PRKN: variants seen among roughly 807,000 people sequenced by gnomAD.
PRKN encodes E3 ubiquitin-protein ligase parkin.
PRKN carries 56 observed loss-of-function variants against 59.5 expected under a neutral mutation model. That is an observed-to-expected ratio of 0.94 (90% CI 0.76 to 1.18). The LOEUF is 1.18. Among genes scored for constraint, PRKN ranks in the 50% most tolerant of loss-of-function variants. PRKN has a pLI of 0.00. For missense variants in PRKN, 657 were observed against 596.4 expected, an observed-to-expected ratio of 1.10 and a Z score of -1.06; for synonymous variants, 250 against 222.1, an observed-to-expected ratio of 1.13 and a Z score of -1.12.
At chr6:162,365,492 G>C (rs1208781027) in intron 2 of PRKN, among the ~76,000 whole-genome samples, 6 of 151,986 alleles carry the variant, frequency 3.9e-5, no homozygotes, top group African/African-American at 1.4e-4. Flanking sequence ...TATAGCCCGT[G>C]GACTCTTACG....
At chr6:162,000,720 T>A (rs1012116883) in intron 5 of PRKN, among the ~76,000 whole-genome samples, 6 of 152,088 alleles carry the variant, frequency 3.9e-5, no homozygotes, top group Admixed American at 1.3e-4. Context: ...TAAAAAGTTA[T>A]TACTATACCT....
intron 2 of PRKN, among the ~76,000 whole-genome samples, chr6:162,407,478 A>G (rs1399655245): frequency 6.6e-6 from 1 of 152,230 alleles, no homozygotes; most frequent in East Asian, 1.9e-4. Context: ...TCATTGTAGC[A>G]GATGTGTCAA....
chr6:161,637,304 G>A (rs1202901896), intron 7 of PRKN, among the ~76,000 whole-genome samples: 2 of 152,002 alleles, frequency 1.3e-5, no homozygotes, highest in Non-Finnish European at 2.9e-5. Context: ...AGGCAAGGAG[G>A]TTACATCATG....
At position 161,680,756 on chromosome 6, in the gene PRKN, TATATA is replaced by T. The variant is rs1785306570; in HGVS notation, c.871+105011_871+105015del. Among the ~76,000 whole-genome samples, 27 of 19,982 alleles carry T rather than the reference TATATA, an allele frequency of 1.4e-3. 2 individuals carry two copies. The highest frequency in any genetic ancestry group is 3.8e-3 in the African/African-American group (27 of 7,156). 13.1% of individuals were successfully genotyped at this position (19,982 alleles called of 152,430 possible). A position where few individuals can be genotyped will look rare whatever the true frequency, so the allele number is the denominator to read the frequency against. On this transcript the variant is annotated intron_variant, in intron 7 of 11. Coordinates refer to ENST00000366898, the MANE Select transcript of PRKN (RefSeq NM_004562.3). ...ATATATATATATATATATATATATA[TATATA>T]TATATATATATATATTTTTTTTTTT... is the stretch of plus-strand genomic sequence containing the variant.
rs141916490 is a variant in PRKN, at chr6:161,802,556, C to T, written c.735-16648G>A. Among the ~76,000 whole-genome samples the T allele has an allele frequency of 1.2e-4, 19 of 152,182 alleles. 1 individual carries two copies. The East Asian group carries it at 2.9e-3, about 23-fold the overall frequency. On this transcript the variant is annotated intron_variant, in intron 6 of 11. Coordinates refer to ENST00000366898, the MANE Select transcript of PRKN (RefSeq NM_004562.3). ...CTTTCTCCGGCTCCTCCTGTGCGAG[C>T]GTGCTTCCCCAATGGTCACGTGGCT...
chr6:162,612,082 A>G (rs1244125689), intron 1 of PRKN, among the ~76,000 whole-genome samples: 1 of 150,206 alleles, frequency 6.7e-6, no homozygotes, highest in African/African-American at 2.4e-5. Context: ...AGTCCCAGCT[A>G]CTCGGGAGGC....
intron 2 of PRKN, among the ~76,000 whole-genome samples, chr6:162,282,075 C>A (rs1042500629): frequency 6.6e-6 from 1 of 152,192 alleles, no homozygotes; most frequent in Non-Finnish European, 1.5e-5. Context: ...CCCATACTCA[C>A]CCCCTGCTGT....
intron 7 of PRKN, among the ~76,000 whole-genome samples, chr6:161,690,633 T>C (rs1785743721): frequency 6.6e-6 from 1 of 152,180 alleles, no homozygotes; most frequent in Non-Finnish European, 1.5e-5. Flanking sequence ...CTCCCCAGAA[T>C]GGATGGGCAG....
rs1269248401 is a variant in PRKN at position 161,409,554 on chromosome 6, T to A, written c.1084-22677A>T. ...CCTCTCAGTTCAAAGGAAAGTGGTG[T>A]GCTTGCTGGATATTTTTAGATTGCC... On this transcript the variant is annotated intron_variant, in intron 9 of 11. Coordinates refer to ENST00000366898, the MANE Select transcript of PRKN (RefSeq NM_004562.3). This position sits in a 1 kb window ranked among gnomAD's most constrained non-coding sequence, Gnocchi z 4.6. Among the ~76,000 whole-genome samples, 1 of 152,212 alleles carries A rather than the reference T, an allele frequency of 6.6e-6. No homozygotes were observed. Among genetic ancestry groups the A allele is most frequent in the East Asian group, 1.9e-4 (1 of 5,196 alleles).
intron 2 of PRKN, among the ~76,000 whole-genome samples, chr6:162,416,414 G>T (rs1788632135): frequency 6.6e-6 from 1 of 152,170 alleles, no homozygotes; most frequent in African/African-American, 2.4e-5. Context: ...TTCGGTCTGT[G>T]CCAAGAAGAA....
chr6:162,502,534 T>C (rs1246790024), intron 1 of PRKN, among the ~76,000 whole-genome samples: 1 of 152,182 alleles, frequency 6.6e-6, no homozygotes, highest in Non-Finnish European at 1.5e-5. Context: ...GAAATAGTCA[T>C]GCGATATGTC....
chr6:162,024,143 T>C (rs970518468), intron 5 of PRKN, among the ~76,000 whole-genome samples: 3 of 151,906 alleles, frequency 2.0e-5, no homozygotes, highest in African/African-American at 7.3e-5. Context: ...TGTTTTCCAG[T>C]TTGTTTGTGT....
At position 162,231,136 on chromosome 6, in the gene PRKN, C is replaced by T. The variant is rs544596902; in HGVS notation, c.413-29884G>A. ...CCTCTCTCTCTCCTTTTCCTTTCTC[C>T]CTCTCCTTCTCTCTCTCCTCTAAAC... On this transcript the variant is annotated intron_variant, in intron 3 of 11. Transcript: ENST00000366898. 1.7e-4 allele frequency among the ~76,000 whole-genome samples: 26 copies of T among 152,222 alleles called. 1 individual carries two copies. Among genetic ancestry groups the T allele is most frequent in the African/African-American group, 6.0e-4 (25 of 41,538 alleles).
rs570925633 is a variant in PRKN at position 161,593,878 on chromosome 6, G to T, written c.872-24462C>A. 1.3e-5 allele frequency among the ~76,000 whole-genome samples: 2 copies of T among 152,006 alleles called. No individual in the cohort carries two copies. The highest frequency in any genetic ancestry group is 4.8e-5 in the African/African-American group (2 of 41,400). On this transcript the variant is annotated intron_variant, in intron 7 of 11. Transcript: ENST00000366898. The surrounding 1 kb of genome is among the most constrained non-coding windows in gnomAD (Gnocchi z 4.8). ...TAGAATTGACTGCTGGAGGCCGGGCGCAGTGGCTCATGCCTGTAATCCCAG... is the reference window on the plus strand; with the variant it reads ...TAGAATTGACTGCTGGAGGCCGGGCTCAGTGGCTCATGCCTGTAATCCCAG...
intron 7 of PRKN, among the ~76,000 whole-genome samples, chr6:161,733,882 T>C (rs1267705107): frequency 1.3e-5 from 2 of 148,754 alleles, no homozygotes; most frequent in Admixed American, 6.7e-5. Flanking sequence ...TACAAGTCTG[T>C]CTCCAAAAAA....
intron 7 of PRKN, among the ~76,000 whole-genome samples, chr6:161,577,039 G>A (rs1476085704): frequency 3.3e-5 from 5 of 152,176 alleles, no homozygotes; most frequent in Non-Finnish European, 7.3e-5. Flanking sequence ...TCAAATTGAA[G>A]GGAAGAGGAA....
chr6:161,711,694 C>T (rs7773436), intron 7 of PRKN, among the ~76,000 whole-genome samples: 78,488 of 151,972 alleles, frequency 0.52, 21,184 homozygotes, highest in Admixed American at 0.64. Flanking sequence ...ACACCCTCAA[C>T]CTGGGTGGGC....
At chr6:162,673,520 G>C (rs1201315235) in intron 1 of PRKN, among the ~76,000 whole-genome samples, 1 of 152,088 alleles carries the variant, frequency 6.6e-6, no homozygotes, top group African/African-American at 2.4e-5. Context: ...CAAGTAGTTG[G>C]AACTACAGGC....
At chr6:161,735,514 A>C (rs967368092) in intron 7 of PRKN, among the ~76,000 whole-genome samples, 38 of 152,196 alleles carry the variant, frequency 2.5e-4, no homozygotes, top group African/African-American at 9.2e-4. Context: ...ATCAACTATT[A>C]GTTGTTAAGT....
Sources: allele counts gnomAD v4.1 joint callset (sites outside exome capture counted in the v4.1 genomes callset), GRCh38; gene constraint gnomAD v4.1.1; non-coding constraint Gnocchi (gnomAD v3.1); transcripts MANE v1.5; gene names NCBI Gene and HGNC (gene_info 2026-07-23, HGNC 2026-07-21).